The following ASAP2 variants were observed in gnomAD, a reference collection of about 807,000 sequenced individuals.
The protein encoded by ASAP2 is ArfGAP with SH3 domain, ankyrin repeat and PH domain 2.
In ASAP2, 45 loss-of-function variants were observed where a neutral mutation model predicts 131.4. The observed-to-expected ratio is 0.34, with a 90% confidence interval of 0.27 to 0.44. The LOEUF is 0.44. Ranked by LOEUF, ASAP2 falls within the 20% of genes least tolerant of loss-of-function variation. The pLI is 1.00. For synonymous variants in ASAP2, 510 were observed against 503.0 expected (o/e 1.01, Z -0.19); for missense variants, 1,011 against 1,297.0 (o/e 0.78, Z 3.39).
At chr2:9,371,114 G>C (rs560861070) in intron 16 of ASAP2, among the ~76,000 whole-genome samples, 8 of 152,278 alleles carry the variant, frequency 5.3e-5, no homozygotes. Context: ...CAGTATGAAC[G>C]TTCTGTCTGC....
At chr2:9,382,651 C>T (rs901897184) in intron 20 of ASAP2, among the ~76,000 whole-genome samples, 1 of 152,228 alleles carries the variant, frequency 6.6e-6, no homozygotes, top group Non-Finnish European at 1.5e-5. Flanking sequence ...AGTATGGATA[C>T]TTGCAGGCTG....
chr2:9,393,229 TACTCACTC>T (rs370281578), intron 23 of ASAP2, among the ~76,000 whole-genome samples: 1 of 152,058 alleles, frequency 6.6e-6, no homozygotes, highest in African/African-American at 2.4e-5. Flanking sequence ...GCTGAGAAAA[TACTCACTC>T]ACAGGCTGAT....
At chr2:9,327,781 G>A (rs930095405) in intron 6 of ASAP2, 45 bp from the exon 7 acceptor site, 15 of 1,444,118 alleles carry the variant, frequency 1.0e-5, no homozygotes, top group East Asian at 4.8e-5. Flanking sequence ...TTTTAAACTC[G>A]TATTCTGCTT....
rs150127434 is a variant in ASAP2 at position 9,372,025 on chromosome 2, G to A, written c.1557-2730G>A. Among the ~76,000 whole-genome samples the A allele has an allele frequency of 4.2e-3, 634 of 152,316 alleles. 5 individuals carry two copies. Among genetic ancestry groups the A allele is most frequent in the African/African-American group, 0.015 (611 of 41,556 alleles). On this transcript the variant is annotated intron_variant, in intron 16 of 27. Coordinates refer to ENST00000281419, the MANE Select transcript of ASAP2 (RefSeq NM_003887.3). Reference sequence around the variant, plus strand: ...TGGAGTTAAACAGACCTGTGCCCATGTTTGTGTAGGAGCTGCCTTCGGGGC... The same window carrying A: ...TGGAGTTAAACAGACCTGTGCCCATATTTGTGTAGGAGCTGCCTTCGGGGC...
intron 16 of ASAP2, among the ~76,000 whole-genome samples, chr2:9,374,399 A>AG (rs1035649287): frequency 2.3e-4 from 35 of 152,014 alleles, no homozygotes; most frequent in Non-Finnish European, 4.9e-4. Context: ...TTCCTGGGGG[A>AG]GGAGGCGCAG....
In ASAP2 at chr2:9,229,005, C is replaced by T. The variant is rs1274397446; in HGVS notation, c.126+21775C>T. 7.9e-5 allele frequency among the ~76,000 whole-genome samples: 12 copies of T among 152,164 alleles called. No homozygotes were observed. In the East Asian group the frequency reaches 2.1e-3, roughly 27 times the overall value. On this transcript the variant is annotated intron_variant, in intron 1 of 27. Coordinates refer to ENST00000281419, the MANE Select transcript of ASAP2 (RefSeq NM_003887.3). ...GAGGGAGTGCTGCCGGGCTCCATTC[C>T]GAAAGCCACACCTGCCTTGTTACCA...
intron 7 of ASAP2, among the ~76,000 whole-genome samples, chr2:9,333,958 G>A (rs937214198): frequency 2.0e-5 from 3 of 149,840 alleles, no homozygotes; most frequent in Non-Finnish European, 4.4e-5. Flanking sequence ...TTCCTACCCC[G>A]CAGACACAGT....
rs191173655 is a variant in ASAP2, at chr2:9,393,922, C to T, written c.2684+275C>T. 1.5e-3 allele frequency among the ~76,000 whole-genome samples: 228 copies of T among 152,370 alleles called. 2 individuals are homozygous for T. Among genetic ancestry groups the T allele is most frequent in the African/African-American group, 5.2e-3 (215 of 41,588 alleles). ...TGGGTTCTATTTGCTGCTCACCCCCCAGGTGGTCTCTGTTTCTGTTTTCTA... is the reference window on the plus strand; with the variant it reads ...TGGGTTCTATTTGCTGCTCACCCCCTAGGTGGTCTCTGTTTCTGTTTTCTA... On this transcript the variant is annotated intron_variant, in intron 24 of 27. Transcript: ENST00000281419.
chr2:9,223,656 A>C (rs562778046), intron 1 of ASAP2, among the ~76,000 whole-genome samples: 1 of 152,326 alleles, frequency 6.6e-6, no homozygotes, highest in East Asian at 1.9e-4. Flanking sequence ...TGAAGTAGAA[A>C]GTAAGCTACT....
chr2:9,257,077 A>G (rs1239882205), intron 1 of ASAP2, among the ~76,000 whole-genome samples: 1 of 152,216 alleles, frequency 6.6e-6, no homozygotes, highest in Non-Finnish European at 1.5e-5. Flanking sequence ...AGCCTGTCAC[A>G]GGGCGTTTGG....
rs746966262 is a variant in ASAP2, at chr2:9,391,110, G to A, written c.2432G>A (p.Ser811Asn). The change falls in exon 23 of 28, where the codon AGT becomes AAT. Residue 811 changes from serine to asparagine, a missense_variant. Coordinates refer to ENST00000281419, the MANE Select transcript of ASAP2 (RefSeq NM_003887.3). ...ANTLWKTNSV[S>N]VDGGSRQRSS... Reference sequence around the variant, plus strand: ...ACCCTGTGGAAGACAAACTCTGTAAGTGTGGACGGTGGAAGCCGGCAGCGA... The same window carrying A: ...ACCCTGTGGAAGACAAACTCTGTAAATGTGGACGGTGGAAGCCGGCAGCGA... 4 of 1,614,116 alleles carry A rather than the reference G, an allele frequency of 2.5e-6. No homozygotes were observed. Among genetic ancestry groups the A allele is most frequent in the African/African-American group, 1.3e-5 (1 of 74,954 alleles).
At chr2:9,248,354 C>T (rs1329100279) in intron 1 of ASAP2, among the ~76,000 whole-genome samples, 2 of 151,800 alleles carry the variant, frequency 1.3e-5, no homozygotes, top group Admixed American at 1.3e-4. Flanking sequence ...TTTAGAAAAC[C>T]CTTTGGTATC....
chr2:9,402,515 G>A (rs1014889288), intron 27 of ASAP2, among the ~76,000 whole-genome samples: 2 of 152,098 alleles, frequency 1.3e-5, no homozygotes, highest in African/African-American at 4.8e-5. Flanking sequence ...CCAGCTACTC[G>A]GGAACCAGCC....
intron 3 of ASAP2, among the ~76,000 whole-genome samples, chr2:9,314,531 A>G (rs1018525225): frequency 6.6e-6 from 1 of 152,214 alleles, no homozygotes; most frequent in African/African-American, 2.4e-5. Context: ...CCCCATGCTA[A>G]GAGCTCTGGT....
chr2:9,386,070 C>T (rs1487731699), intron 21 of ASAP2, among the ~76,000 whole-genome samples: 4 of 152,100 alleles, frequency 2.6e-5, no homozygotes, highest in African/African-American at 4.8e-5. Flanking sequence ...CATGGTGCTT[C>T]GAGGCATGTC....
intron 17 of ASAP2, among the ~76,000 whole-genome samples, chr2:9,375,223 C>T (rs1329853062): frequency 2.6e-5 from 4 of 151,904 alleles, no homozygotes; most frequent in African/African-American, 7.3e-5. Flanking sequence ...TTTGAAACTC[C>T]AGTGAGCCGT....
At chr2:9,212,353 C>T (rs1661624714) in intron 1 of ASAP2, among the ~76,000 whole-genome samples, 4 of 152,122 alleles carry the variant, frequency 2.6e-5, no homozygotes, top group Non-Finnish European at 4.4e-5. Flanking sequence ...GGGCGTGGGG[C>T]TGTGGTGAGG....
chr2:9,271,613 T>A, intron 1 of ASAP2: 1 of 1,180,542 alleles, frequency 8.5e-7, no homozygotes, highest in Admixed American at 2.0e-5. Flanking sequence ...TAGTGGAGGT[T>A]CTGGATAGTG....
intron 1 of ASAP2, among the ~76,000 whole-genome samples, chr2:9,216,761 C>T (rs1201839596): frequency 6.6e-6 from 1 of 151,614 alleles, no homozygotes; most frequent in Non-Finnish European, 1.5e-5. Flanking sequence ...ATGCCCGGTC[C>T]CTGATTAATT....
Sources: gnomAD v4.1 joint callset for allele counts (sites outside exome capture counted in the v4.1 genomes callset) on GRCh38, gnomAD v4.1.1 for gene constraint, MANE v1.5 for transcripts, NCBI Gene and HGNC (gene_info 2026-07-23, HGNC 2026-07-21) for gene names.